The following PEPD variants were observed in gnomAD, a reference collection of about 807,000 sequenced individuals.
PEPD encodes xaa-Pro dipeptidase.
PEPD carries 53 observed loss-of-function variants against 60.7 expected under a neutral mutation model. That is an observed-to-expected ratio of 0.87 (90% CI 0.70 to 1.10). The LOEUF is 1.10. Among genes scored for constraint, PEPD ranks in the 50% least tolerant of loss-of-function variants. The pLI is 0.00. For missense variants in PEPD, 711 were observed against 711.9 expected (o/e 1.00, Z 0.01); for synonymous variants, 267 against 284.1 (o/e 0.94, Z 0.60).
At chr19:33,456,752 A>T (rs1019944313) in intron 9 of PEPD, among the ~76,000 whole-genome samples, 1 of 152,092 alleles carries the variant, frequency 6.6e-6, no homozygotes, top group African/African-American at 2.4e-5. Flanking sequence ...CTGGACCCAG[A>T]CTTGTTCCAA....
chr19:33,473,461 G>A (rs888675208), intron 7 of PEPD, among the ~76,000 whole-genome samples: 2 of 152,124 alleles, frequency 1.3e-5, no homozygotes, highest in African/African-American at 2.4e-5. Context: ...GTTACCCACC[G>A]CCTGATTAAT....
At chr19:33,491,067 C>T (rs1305815212) in intron 5 of PEPD, among the ~76,000 whole-genome samples, 1 of 152,152 alleles carries the variant, frequency 6.6e-6, no homozygotes, top group African/African-American at 2.4e-5. Context: ...CCATAATCAT[C>T]TCACATAAGT....
chr19:33,517,043 T>C (rs1971035511), intron 1 of PEPD, among the ~76,000 whole-genome samples: 1 of 151,886 alleles, frequency 6.6e-6, no homozygotes, highest in Non-Finnish European at 1.5e-5. Context: ...TAGTCAGGAA[T>C]GGTGGCTTGT....
At chr19:33,491,042 T>C (rs1284697709) in intron 5 of PEPD, among the ~76,000 whole-genome samples, 10 of 152,158 alleles carry the variant, frequency 6.6e-5, no homozygotes, top group East Asian at 1.9e-4. Context: ...ATTGAACACA[T>C]TGGATCATCT....
Position 33,521,721 on chromosome 19 carries a change from AGCGAGGGAG to A in PEPD, c.17+14_17+22del. The A allele has an allele frequency of 6.3e-7, 1 of 1,579,080 alleles. No individual in the cohort carries two copies. On this transcript the variant is annotated intron_variant, in intron 1 of 14. Transcript: ENST00000244137. ...GCCCCTCTCCACGCCAGCGGGAAAG[AGCGAGGGAG>A]GCGCAGCACTCACCCGGTGGCCGCC...
At chr19:33,495,929 C>T (rs570234599) in intron 4 of PEPD, among the ~76,000 whole-genome samples, 101 of 152,174 alleles carry the variant, frequency 6.6e-4, no homozygotes, top group Non-Finnish European at 1.2e-3. Context: ...TTCAGTGAGT[C>T]GTGACTGCGC....
At chr19:33,440,305 G>A (rs1430188707) in intron 9 of PEPD, among the ~76,000 whole-genome samples, 1 of 152,030 alleles carries the variant, frequency 6.6e-6, no homozygotes, top group Admixed American at 6.6e-5. Context: ...ACAACACCCA[G>A]CCCTGATGGG....
chr19:33,416,267 G>A (rs1968890217), intron 9 of PEPD, among the ~76,000 whole-genome samples: 1 of 152,162 alleles, frequency 6.6e-6, no homozygotes, highest in Non-Finnish European at 1.5e-5. Flanking sequence ...GTGGATGACC[G>A]ACATGCCATG....
At chr19:33,439,400 G>C (rs1192388245) in intron 9 of PEPD, among the ~76,000 whole-genome samples, 1 of 152,242 alleles carries the variant, frequency 6.6e-6, no homozygotes, top group Non-Finnish European at 1.5e-5. Context: ...CTGTCCCAGA[G>C]GGGCCAGACC....
At chr19:33,420,733 G>T (rs76355608) in intron 9 of PEPD, among the ~76,000 whole-genome samples, 2,718 of 124,616 alleles carry the variant, frequency 0.022, 37 homozygotes, top group South Asian at 0.035. Flanking sequence ...AAATAAAAAT[G>T]ATTAGCTGTA....
At chr19:33,431,178 GGA>G in intron 9 of PEPD, among the ~76,000 whole-genome samples, 1 of 144,086 alleles carries the variant, frequency 6.9e-6, no homozygotes. Context: ...AAGGAAGGAA[GGA>G]AGGGAGGGAG....
intron 12 of PEPD, among the ~76,000 whole-genome samples, chr19:33,396,675 A>G (rs952163918): frequency 1.3e-5 from 2 of 149,558 alleles, no homozygotes; most frequent in Non-Finnish European, 3.0e-5. Flanking sequence ...TGAGCACAGG[A>G]AAGAGTAGAG....
At chr19:33,401,576 G>A (rs1968491294) in intron 12 of PEPD, 145 bp downstream of exon 12, 4 of 790,314 alleles carry the variant, frequency 5.1e-6, no homozygotes, top group East Asian at 5.4e-5. Flanking sequence ...GAGACCTGAC[G>A]CCACTGGAAT....
chr19:33,387,363 G>T lies in PEPD; in HGVS notation c.1463C>A (p.Pro488His). Reference protein sequence around the residue: ...CMAGCDKAFTPFSGPK With the variant: ...CMAGCDKAFTHFSGPK ...CTGGCTCTACTTGGGGCCAGAGAAG[G>T]GGGTAAAGGCCTTGTCACAGCCTGC... Residue 488 changes from proline (P) to histidine (H), a missense_variant, in exon 15 of 15, where the codon CCC becomes CAC. Coordinates refer to ENST00000244137, the MANE Select transcript of PEPD (RefSeq NM_000285.4). The T allele has an allele frequency of 6.2e-7, 1 of 1,614,022 alleles. No individual in the cohort carries two copies. Among genetic ancestry groups the T allele is most frequent in the South Asian group, 1.1e-5 (1 of 91,090 alleles).
In PEPD at chr19:33,500,962, C is replaced by G; in HGVS notation, c.369G>C (p.Val123=). 6.2e-7 allele frequency: 1 copy of G among 1,605,594 alleles called. No individual in the cohort carries two copies. The highest frequency in any genetic ancestry group is 8.5e-7 in the Non-Finnish European group (1 of 1,172,438). ...SKEHFKEKYA[V]DDVQYVDEIA... The stretch of plus-strand genomic sequence containing the variant: ...CCTCATCTACGTACTGGACGTCGTC[C>G]ACGGCATACTTCTCCTTGAAGTGCT... The change falls in exon 4 of 15, where the codon GTG becomes GTC. Residue 123 remains valine (V), a synonymous_variant. Transcript: ENST00000244137.
chr19:33,400,438 A>C (rs1343544173), intron 12 of PEPD, among the ~76,000 whole-genome samples: 1 of 152,264 alleles, frequency 6.6e-6, no homozygotes, highest in Non-Finnish European at 1.5e-5. Flanking sequence ...AATTGGCTGG[A>C]GACTGTTCTG....
At chr19:33,504,997 T>C (rs1056664991) in intron 3 of PEPD, among the ~76,000 whole-genome samples, 1 of 152,122 alleles carries the variant, frequency 6.6e-6, no homozygotes, top group Non-Finnish European at 1.5e-5. Flanking sequence ...AGCCCATGAC[T>C]GCACACTCTG....
chr19:33,493,534 C>T, intron 4 of PEPD, 197 bp from the exon 5 acceptor site: 3 of 661,522 alleles, frequency 4.5e-6, no homozygotes, highest in Non-Finnish European at 8.3e-6. Context: ...GCCACACAGC[C>T]ATCGAGGGGC....
At chr19:33,456,280 A>G (rs1369889610) in intron 9 of PEPD, among the ~76,000 whole-genome samples, 2 of 152,120 alleles carry the variant, frequency 1.3e-5, no homozygotes, top group Non-Finnish European at 2.9e-5. Context: ...ATGGACGGGC[A>G]CACAGGACCT....
Sources: allele counts gnomAD v4.1 joint callset (sites outside exome capture counted in the v4.1 genomes callset), GRCh38; gene constraint gnomAD v4.1.1; transcripts MANE v1.5; gene names NCBI Gene and HGNC (gene_info 2026-07-23, HGNC 2026-07-21).